The following SCAPER variants were observed in gnomAD, a reference collection of about 807,000 sequenced individuals.
SCAPER encodes S-phase cyclin A associated protein in the ER, also known as S phase cyclin A-associated protein in the endoplasmic reticulum.
Under a neutral mutation model 182.2 loss-of-function variants are expected in SCAPER, and 98 were observed. The ratio of observed to expected loss-of-function variants is 0.54; its 90% CI spans 0.46 to 0.64. The LOEUF (loss-of-function observed/expected upper bound fraction) is 0.64, where lower values mean the gene tolerates loss of function less well. Among genes scored for constraint, SCAPER ranks in the 30% least tolerant of loss-of-function variants. SCAPER has a pLI of 0.00. For missense variants in SCAPER, 1,432 were observed against 1,690.0 expected, an observed-to-expected ratio of 0.85 and a Z score of 2.68; for synonymous variants, 605 against 564.6, an observed-to-expected ratio of 1.07 and a Z score of -1.01.
chr15:76,800,755 T>A (rs903366836), intron 6 of SCAPER, among the ~76,000 whole-genome samples: 3 of 152,242 alleles, frequency 2.0e-5, no homozygotes, highest in African/African-American at 7.2e-5. Flanking sequence ...CCTGGAGAGT[T>A]TGTGAAACAT....
At position 76,652,516 on chromosome 15, in the gene SCAPER, CAT is replaced by C. The variant is rs1451460642; in HGVS notation, c.2645+13135_2645+13136del. On this transcript the variant is annotated intron_variant, in intron 21 of 31. Coordinates refer to ENST00000563290, the MANE Select transcript of SCAPER (RefSeq NM_020843.4). The stretch of plus-strand genomic sequence containing the variant: ...AAATATATATATATATATTTACATA[CAT>C]ACACACACACACACACACACACACA... Among the ~76,000 whole-genome samples the C allele has an allele frequency of 2.5e-4, 16 of 64,298 alleles. 1 individual carries two copies. Among genetic ancestry groups the C allele is most frequent in the East Asian group, 8.1e-4 (2 of 2,470 alleles). The allele number at this position is 64,298 out of a possible 152,430, so 42.2% of individuals were successfully genotyped here.
At chr15:76,432,587 G>A (rs2046939920) in intron 26 of SCAPER, among the ~76,000 whole-genome samples, 1 of 152,232 alleles carries the variant, frequency 6.6e-6, no homozygotes, top group African/African-American at 2.4e-5. Flanking sequence ...CACAGAAGAG[G>A]TGCTGATAGG....
intron 5 of SCAPER, among the ~76,000 whole-genome samples, chr15:76,819,624 A>C (rs2151636878): frequency 6.6e-6 from 1 of 152,340 alleles, no homozygotes; most frequent in Admixed American, 6.5e-5. Flanking sequence ...GATAAACCAC[A>C]AAGATAGGGA....
Position 76,827,070 on chromosome 15 carries a change from C to CA in SCAPER, c.393+14663dup, listed in dbSNP as rs200442872. On this transcript the variant is annotated intron_variant, in intron 5 of 31. Transcript: ENST00000563290. Reference sequence around the variant, plus strand: ...TGTGTCTAAATCGTAATGAATTAGACAAAAAAAAGTAAGGTGGAACTGGAT... The same window carrying CA: ...TGTGTCTAAATCGTAATGAATTAGACAAAAAAAAAGTAAGGTGGAACTGGAT... Among the ~76,000 whole-genome samples, 1,373 of 151,614 alleles carry CA rather than the reference C, an allele frequency of 9.1e-3. 9 individuals are homozygous for CA. The highest frequency in any genetic ancestry group is 0.016 in the Non-Finnish European group (1,059 of 67,854).
At chr15:76,463,644 T>C (rs1426280024) in intron 25 of SCAPER, among the ~76,000 whole-genome samples, 1 of 152,176 alleles carries the variant, frequency 6.6e-6, no homozygotes, top group Non-Finnish European at 1.5e-5. Context: ...TAATAAAATA[T>C]TTAATGCCTT....
At chr15:76,769,594 T>C (rs1294675308) in intron 10 of SCAPER, among the ~76,000 whole-genome samples, 1 of 151,864 alleles carries the variant, frequency 6.6e-6, no homozygotes, top group Non-Finnish European at 1.5e-5. Context: ...ATCAGAGAAA[T>C]GCAAATCAAA....
intron 25 of SCAPER, among the ~76,000 whole-genome samples, chr15:76,439,094 T>G (rs915672159): frequency 3.3e-5 from 5 of 152,094 alleles, no homozygotes; most frequent in African/African-American, 1.2e-4. Flanking sequence ...ATGATTTTTT[T>G]TTTTTTAAGA....
chr15:76,582,841 C>T (rs909686997), intron 22 of SCAPER, among the ~76,000 whole-genome samples: 1 of 152,146 alleles, frequency 6.6e-6, no homozygotes. Context: ...CAAGAATATA[C>T]ATTGAGGAAA....
rs61246755 is a variant in SCAPER, at chr15:76,701,558, C to A, written c.2508+200G>T. Among the ~76,000 whole-genome samples, 547 of 152,198 alleles carry A rather than the reference C, an allele frequency of 3.6e-3. 2 individuals carry two copies. Among genetic ancestry groups the A allele is most frequent in the African/African-American group, 0.013 (524 of 41,542 alleles). ...ATTATGTAAATAACAGCATTAAATT[C>A]TTTTTTCTATCTTTCTTGTTAAATT... On this transcript the variant is annotated intron_variant, in intron 20 of 31. Transcript: ENST00000563290.
chr15:76,689,212 T>C (rs2058211638), intron 20 of SCAPER, among the ~76,000 whole-genome samples: 1 of 152,032 alleles, frequency 6.6e-6, no homozygotes, highest in Non-Finnish European at 1.5e-5. Context: ...AAAGGAAATA[T>C]GTGGCATTAA....
At chr15:76,871,572 CTTTTTTT>C (rs1178328861) in intron 2 of SCAPER, among the ~76,000 whole-genome samples, 1 of 123,176 alleles carries the variant, frequency 8.1e-6, no homozygotes. Context: ...TTACAATTTG[CTTTTTTT>C]TTTTTTTTTT....
intron 14 of SCAPER, among the ~76,000 whole-genome samples, chr15:76,754,816 G>A (rs2062314956): frequency 1.3e-5 from 2 of 151,988 alleles, no homozygotes; most frequent in Admixed American, 1.3e-4. Context: ...GCAAATTATT[G>A]GTTGTGTAAC....
chr15:76,741,972 A>C (rs560597852), intron 15 of SCAPER, among the ~76,000 whole-genome samples: 1 of 152,268 alleles, frequency 6.6e-6, no homozygotes, highest in Non-Finnish European at 1.5e-5. Flanking sequence ...GATACTAAAA[A>C]AGAAGAGTAA....
At chr15:76,837,578 T>A (rs1303370910) in intron 5 of SCAPER, among the ~76,000 whole-genome samples, 1 of 152,172 alleles carries the variant, frequency 6.6e-6, no homozygotes, top group Non-Finnish European at 1.5e-5. Flanking sequence ...CCTCCCACGA[T>A]ATGTGGAGAT....
chr15:76,459,710 C>A (rs980737815), intron 25 of SCAPER, among the ~76,000 whole-genome samples: 1 of 151,886 alleles, frequency 6.6e-6, no homozygotes, highest in African/African-American at 2.4e-5. Flanking sequence ...ATTTTTGTTG[C>A]CTGTACTTTT....
chr15:76,431,676 C>CAAAAAAAAAAGAAAAAAAAAAAAAAAAA (rs2046870037), intron 26 of SCAPER, among the ~76,000 whole-genome samples: 1 of 47,128 alleles, frequency 2.1e-5, no homozygotes, highest in Non-Finnish European at 3.5e-5. Flanking sequence ...AAATGATTAG[C>CAAAAAAAAAAGAAAAAAAAAAAAAAAAA]AAAAAAAAAA....
intron 5 of SCAPER, among the ~76,000 whole-genome samples, chr15:76,833,955 G>T (rs1159209537): frequency 6.6e-6 from 1 of 152,168 alleles, no homozygotes; most frequent in Non-Finnish European, 1.5e-5. Flanking sequence ...GATCAAGGTA[G>T]AAAATTAACA....
At chr15:76,502,978 T>C (rs977532713) in intron 24 of SCAPER, among the ~76,000 whole-genome samples, 4 of 152,122 alleles carry the variant, frequency 2.6e-5, no homozygotes, top group Non-Finnish European at 2.9e-5. Flanking sequence ...ACAATGACAA[T>C]AGCAGCTTTT....
intron 23 of SCAPER, among the ~76,000 whole-genome samples, chr15:76,518,843 T>TTA (rs1278280705): frequency 1.3e-5 from 2 of 152,236 alleles, no homozygotes; most frequent in African/African-American, 4.8e-5. Context: ...TAATACCTTC[T>TTA]TATATGGAGA....
Sources: allele counts gnomAD v4.1 joint callset (sites outside exome capture counted in the v4.1 genomes callset), GRCh38; gene constraint gnomAD v4.1.1; transcripts MANE v1.5; gene names NCBI Gene and HGNC (gene_info 2026-07-23, HGNC 2026-07-21).